The following ZNF571 variants were observed in gnomAD, a reference collection of about 807,000 sequenced individuals.
ZNF571 encodes the protein zinc finger protein 571.
A neutral mutation model predicts 7.7 loss-of-function variants in ZNF571; 4 were observed. The ratio of observed to expected loss-of-function variants is 0.52; its 90% CI spans 0.25 to 1.18. ZNF571 has a LOEUF of 1.18. Ranked by LOEUF, ZNF571 falls within the 50% of genes most tolerant of loss-of-function variation. ZNF571 has a pLI of 0.14. For synonymous variants in ZNF571, 251 were observed against 232.4 expected (o/e 1.08, Z -0.73); for missense variants, 704 against 726.9 (o/e 0.97, Z 0.36).
At position 37,566,137 on chromosome 19, in the gene ZNF571, C is replaced by T; in HGVS notation, c.291G>A (p.Glu97=). Residue 97 remains glutamate, a synonymous_variant, in exon 4 of 4, where the codon GAG becomes GAA. Transcript: ENST00000451802. The part of the protein sequence containing the change: ...GDNMECKGNL[E]GQEASQEGLY... ...GCCCTTCCTGACTTGCTTCTTGACC[C>T]TCTAAGTTGCCTTTGCACTCCATAT... 1.2e-6 allele frequency: 2 copies of T among 1,614,010 alleles called. No individual in the cohort carries two copies. Among genetic ancestry groups the T allele is most frequent in the Non-Finnish European group, 1.7e-6 (2 of 1,179,910 alleles).
At chr19:37,566,316 T>C (rs1200401001) in intron 3 of ZNF571, 25 bp from the exon 4 acceptor site, 1 of 1,565,586 alleles carries the variant, frequency 6.4e-7, no homozygotes. Context: ...GAAAGCAAAT[T>C]CCTGCTTTTG....
At chr19:37,578,428 C>T (rs1425542784) in intron 3 of ZNF571, among the ~76,000 whole-genome samples, 1 of 152,156 alleles carries the variant, frequency 6.6e-6, no homozygotes, top group East Asian at 1.9e-4. Context: ...ACAGGAGGAA[C>T]CCCCAACTCC....
chr19:37,579,359 CT>C (rs779833786), intron 3 of ZNF571, among the ~76,000 whole-genome samples: 5 of 152,238 alleles, frequency 3.3e-5, no homozygotes, highest in Non-Finnish European at 7.3e-5. Flanking sequence ...CCCCCAGGGC[CT>C]GAGGTCAGAC....
intron 3 of ZNF571, among the ~76,000 whole-genome samples, chr19:37,579,688 A>G (rs553538884): frequency 6.6e-6 from 1 of 152,270 alleles, no homozygotes; most frequent in South Asian, 2.1e-4. Flanking sequence ...TACTAATTTT[A>G]ATTTTATTAC....
At chr19:37,590,035 A>G (rs1227124940) in intron 1 of ZNF571, among the ~76,000 whole-genome samples, 1 of 152,030 alleles carries the variant, frequency 6.6e-6, no homozygotes, top group Non-Finnish European at 1.5e-5. Context: ...AAAAGAGACT[A>G]AAGAGATGAT....
At position 37,565,506 on chromosome 19, in the gene ZNF571, C is replaced by G. The variant is rs770973383; in HGVS notation, c.922G>C (p.Glu308Gln). ...QRIHSGEKPYECKECGKAFIL... is the reference protein window; with the variant it reads ...QRIHSGEKPYQCKECGKAFIL... The stretch of plus-strand genomic sequence containing the variant: ...AAGGCCTTTCCACATTCCTTACACT[C>G]ATAAGGTTTCTCACCACTATGAATT... The change falls in exon 4 of 4, where the codon GAG becomes CAG. Residue 308 changes from glutamate to glutamine, a missense_variant. Transcript: ENST00000451802. 1.2e-6 allele frequency: 2 copies of G among 1,613,716 alleles called. No individual in the cohort carries two copies. The highest frequency in any genetic ancestry group is 1.7e-5 in the Admixed American group (1 of 59,972).
At chr19:37,580,072 T>C (rs573133003) in intron 3 of ZNF571, among the ~76,000 whole-genome samples, 1 of 152,356 alleles carries the variant, frequency 6.6e-6, no homozygotes, top group South Asian at 2.1e-4. Flanking sequence ...TAGACATTGA[T>C]ACCTGAATGT....
intron 3 of ZNF571, among the ~76,000 whole-genome samples, chr19:37,581,973 A>C (rs980373253): frequency 5.9e-5 from 9 of 152,048 alleles, no homozygotes; most frequent in African/African-American, 2.2e-4. Flanking sequence ...TTTCCTTCCT[A>C]AATTTGTTCC....
chr19:37,591,415 C>A (rs1044276540), intron 1 of ZNF571, among the ~76,000 whole-genome samples: 2 of 152,166 alleles, frequency 1.3e-5, no homozygotes, highest in Non-Finnish European at 2.9e-5. Flanking sequence ...CACAATAGTT[C>A]GAAACATATG....
At chr19:37,566,477 G>C (rs867802469) in intron 3 of ZNF571, 186 bp from the exon 4 acceptor site, 1 of 634,474 alleles carries the variant, frequency 1.6e-6, no homozygotes, top group Non-Finnish European at 2.5e-6. Context: ...GAGCTTATAG[G>C]AAAGAAGGTA....
chr19:37,588,500 A>C (rs936258042), intron 1 of ZNF571, among the ~76,000 whole-genome samples: 2 of 152,220 alleles, frequency 1.3e-5, no homozygotes, highest in Non-Finnish European at 2.9e-5. Context: ...CTGGAAGCTA[A>C]GCACTGGGTA....
At chr19:37,586,767 C>G in intron 1 of ZNF571, 22 bp from the exon 2 acceptor site, 2 of 1,364,284 alleles carry the variant, frequency 1.5e-6, no homozygotes, top group South Asian at 2.5e-5. Context: ...AAAGAAGCCA[C>G]AAGATTAGAC....
rs2042771575 is a variant in ZNF571 at position 37,564,316 on chromosome 19, T to C, written c.*282A>G. On this transcript the variant is annotated 3_prime_UTR_variant, in exon 4 of 4. Coordinates refer to ENST00000451802, the MANE Select transcript of ZNF571 (RefSeq NM_016536.5). ...TAGTCATTGTAATACAATTACAGTA[T>C]TTTACAAATAGAAAAGAACACACAA... 3.7e-6 allele frequency: 1 copy of C among 268,288 alleles called. No homozygotes were observed. The highest frequency in any genetic ancestry group is 6.9e-6 in the Non-Finnish European group (1 of 144,672). 16.6% of individuals were successfully genotyped at this position (268,288 alleles called of 1,614,324 possible). A position where few individuals can be genotyped will look rare whatever the true frequency, so the allele number is the denominator to read the frequency against.
At chr19:37,573,422 C>A (rs1017238384) in intron 3 of ZNF571, among the ~76,000 whole-genome samples, 1 of 152,184 alleles carries the variant, frequency 6.6e-6, no homozygotes, top group African/African-American at 2.4e-5. Context: ...GGTTTTCACC[C>A]ATAACTGCCA....
chr19:37,581,281 G>GATT (rs1226789895), intron 3 of ZNF571, among the ~76,000 whole-genome samples: 1 of 151,916 alleles, frequency 6.6e-6, no homozygotes, highest in Admixed American at 6.6e-5. Flanking sequence ...TTTTAATAAT[G>GATT]ATTAGCACAA....
intron 3 of ZNF571, among the ~76,000 whole-genome samples, chr19:37,571,784 A>C (rs189503979): frequency 6.6e-6 from 1 of 152,186 alleles, no homozygotes; most frequent in African/African-American, 2.4e-5. Context: ...AAACATGATA[A>C]GTATGGGCTA....
chr19:37,576,067 G>C (rs897728149), intron 3 of ZNF571, among the ~76,000 whole-genome samples: 2 of 149,468 alleles, frequency 1.3e-5, no homozygotes, highest in African/African-American at 5.0e-5. Flanking sequence ...ACACACACAA[G>C]TTCATCTAGA....
At chr19:37,588,728 A>C (rs1253056199) in intron 1 of ZNF571, among the ~76,000 whole-genome samples, 1 of 152,218 alleles carries the variant, frequency 6.6e-6, no homozygotes, top group Non-Finnish European at 1.5e-5. Flanking sequence ...TTTTATTTTT[A>C]AAAAGTTGGA....
intron 3 of ZNF571, chr19:37,575,393 A>G (rs1181743669): frequency 1.3e-5 from 2 of 152,208 alleles, no homozygotes; most frequent in Non-Finnish European, 2.9e-5. Context: ...CAGATTTACC[A>G]TACAAATACT....
Sources: gnomAD v4.1 joint callset for allele counts (sites outside exome capture counted in the v4.1 genomes callset) on GRCh38, gnomAD v4.1.1 for gene constraint, MANE v1.5 for transcripts, NCBI Gene and HGNC (gene_info 2026-07-23, HGNC 2026-07-21) for gene names.